The following SULF1 variants were observed in gnomAD, a reference collection of about 807,000 sequenced individuals.
SULF1 encodes the protein sulfatase 1, also known as extracellular sulfatase Sulf-1.
A neutral mutation model predicts 110.5 loss-of-function variants in SULF1; 46 were observed. The ratio of observed to expected loss-of-function variants is 0.42; its 90% CI spans 0.33 to 0.53. The LOEUF (loss-of-function observed/expected upper bound fraction) is 0.53. Among genes scored for constraint, SULF1 ranks in the 20% least tolerant of loss-of-function variants. The pLI is 0.12. For synonymous variants in SULF1, 371 were observed against 387.1 expected, an observed-to-expected ratio of 0.96 and a Z score of 0.49; for missense variants, 941 against 1,094.2, an observed-to-expected ratio of 0.86 and a Z score of 1.98.
intron 3 of SULF1, among the ~76,000 whole-genome samples, chr8:69,508,434 A>C (rs1185885473): frequency 1.3e-5 from 2 of 152,204 alleles, no homozygotes; most frequent in African/African-American, 4.8e-5. Flanking sequence ...AAAAGTAACT[A>C]AAATATTTCC....
intron 3 of SULF1, among the ~76,000 whole-genome samples, chr8:69,530,448 T>C (rs1382616314): frequency 6.6e-6 from 1 of 152,178 alleles, no homozygotes; most frequent in Non-Finnish European, 1.5e-5. Flanking sequence ...ACTTTAGAGA[T>C]AGTTAAATAT....
chr8:69,471,862 G>A (rs1471648685), intron 1 of SULF1, among the ~76,000 whole-genome samples: 1 of 152,182 alleles, frequency 6.6e-6, no homozygotes, highest in East Asian at 1.9e-4. Context: ...TCCAGACCTA[G>A]GATGCAGGAA....
chr8:69,540,547 C>G (rs1250966648), intron 3 of SULF1, among the ~76,000 whole-genome samples: 1 of 152,164 alleles, frequency 6.6e-6, no homozygotes, highest in African/African-American at 2.4e-5. Flanking sequence ...TCCCTCCTTC[C>G]CTGTAGCAAG....
chr8:69,628,382 T>C, intron 18 of SULF1, 146 bp downstream of exon 18: 1 of 680,726 alleles, frequency 1.5e-6, no homozygotes, highest in South Asian at 1.9e-5. Context: ...GCTCATGAAG[T>C]TGAAAGCAAA....
chr8:69,577,122 G>T (rs930732720), intron 6 of SULF1, among the ~76,000 whole-genome samples: 1 of 152,188 alleles, frequency 6.6e-6, no homozygotes, highest in Non-Finnish European at 1.5e-5. Flanking sequence ...ACTGTCACTC[G>T]CAGACAGCTC....
intron 13 of SULF1, among the ~76,000 whole-genome samples, chr8:69,615,342 T>A (rs752217821): frequency 2.6e-5 from 4 of 152,248 alleles, no homozygotes; most frequent in Admixed American, 6.5e-5. Flanking sequence ...CAAGGTTTTA[T>A]TGTGCAGTCA....
chr8:69,519,236 C>T (rs1390331995), intron 3 of SULF1, among the ~76,000 whole-genome samples: 1 of 152,158 alleles, frequency 6.6e-6, no homozygotes, highest in Non-Finnish European at 1.5e-5. Flanking sequence ...GCAGTGAGAC[C>T]CTTCAAGGCA....
At position 69,640,824 on chromosome 8, in the gene SULF1, A is replaced by G. The variant is rs1050270487; in HGVS notation, c.2568A>G (p.Gly856=). ...CTATATCAGGAAATAAAGATGGAGG[A>G]AGCTATGACCTACACAGGTATTCAC... The part of the protein sequence containing the change: ...KNLDVGNKDG[G]SYDLHRGQLW... Residue 856 remains glycine, a synonymous_variant, in exon 22 of 23, where the codon GGA becomes GGG. Transcript: ENST00000402687. The G allele has an allele frequency of 6.2e-7, 1 of 1,611,404 alleles. No individual in the cohort carries two copies. The highest frequency in any genetic ancestry group is 1.3e-5 in the African/African-American group (1 of 74,778).
chr8:69,631,257 G>C (rs1218194308), intron 19 of SULF1, among the ~76,000 whole-genome samples: 2 of 152,162 alleles, frequency 1.3e-5, no homozygotes, highest in Admixed American at 1.3e-4. Flanking sequence ...GCTTATGGCA[G>C]AAGGAGGCCC....
chr8:69,588,418 C>T (rs894915139), intron 7 of SULF1, among the ~76,000 whole-genome samples: 1 of 152,166 alleles, frequency 6.6e-6, no homozygotes, highest in Non-Finnish European at 1.5e-5. Flanking sequence ...GCTTTGATTA[C>T]TGATTATTGT....
intron 3 of SULF1, among the ~76,000 whole-genome samples, chr8:69,520,932 T>C (rs534850565): frequency 6.6e-6 from 1 of 152,310 alleles, no homozygotes; most frequent in South Asian, 2.1e-4. Context: ...AAAAAGCTCT[T>C]CTTATAATGT....
chr8:69,564,080 G>A lies in SULF1; in HGVS notation c.105G>A (p.Gln35=). ...CCCCGAGGTTCAGAGGACGGATACA[G>A]CAGGAACGAAAAAACATCCGACCCA... ...VRSPRFRGRI[Q]QERKNIRPNI... Residue 35 remains glutamine (Q), a synonymous_variant, in exon 5 of 23, where the codon CAG becomes CAA. Coordinates refer to ENST00000402687, the MANE Select transcript of SULF1 (RefSeq NM_001128205.2). 1 of 1,614,142 alleles carries A rather than the reference G, an allele frequency of 6.2e-7. No individual in the cohort carries two copies. Among genetic ancestry groups the A allele is most frequent in the Admixed American group, 1.7e-5 (1 of 60,018 alleles).
chr8:69,549,823 AGAG>A (rs763894440), intron 3 of SULF1, among the ~76,000 whole-genome samples: 18 of 152,318 alleles, frequency 1.2e-4, no homozygotes, highest in Non-Finnish European at 2.2e-4. Flanking sequence ...AAATACAAAT[AGAG>A]GAGACCCTCG....
At chr8:69,575,375 A>AT (rs1309231381) in intron 5 of SULF1, among the ~76,000 whole-genome samples, 1 of 152,148 alleles carries the variant, frequency 6.6e-6, no homozygotes, top group Non-Finnish European at 1.5e-5. Context: ...ATATAAATTG[A>AT]TGTTGTTATC....
At chr8:69,591,635 C>T (rs1408875946) in intron 8 of SULF1, among the ~76,000 whole-genome samples, 5 of 151,862 alleles carry the variant, frequency 3.3e-5, no homozygotes, top group Admixed American at 6.6e-5. Flanking sequence ...TTTCATTCCA[C>T]GAATATTTAT....
intron 21 of SULF1, among the ~76,000 whole-genome samples, chr8:69,640,123 G>GGAAA (rs1290705121): frequency 5.6e-5 from 4 of 71,200 alleles, no homozygotes; most frequent in African/African-American, 3.1e-4. Flanking sequence ...AAGGAAGAAA[G>GGAAA]GAAGGAAGAA....
At chr8:69,651,345 G>A (rs958234227) in intron 22 of SULF1, among the ~76,000 whole-genome samples, 15 of 152,020 alleles carry the variant, frequency 9.9e-5, no homozygotes, top group African/African-American at 1.7e-4. Context: ...GAGCCACCGC[G>A]CCCAGCCTCG....
At position 69,621,169 on chromosome 8, in the gene SULF1, C is replaced by A; in HGVS notation, c.1512C>A (p.Cys504Ter). Residue 504 changes from cysteine (C) to a stop codon, truncating the protein, a stop_gained, in exon 14 of 23, where the codon TGC (cysteine) becomes TGA (stop). Coordinates refer to ENST00000402687, the MANE Select transcript of SULF1 (RefSeq NM_001128205.2). LOFTEE classifies it high-confidence loss of function. ...GCTTCCATGACAAAGACAAAGAGTG[C>A]AGTTGTAGGGAGTCTGGTTACCGTG... ...ARGFHDKDKECSCRESGYRAS... is the reference protein window; with the variant it reads ...ARGFHDKDKE 6.2e-7 allele frequency: 1 copy of A among 1,614,128 alleles called. No homozygotes were observed. The highest frequency in any genetic ancestry group is 8.5e-7 in the Non-Finnish European group (1 of 1,180,008).
intron 3 of SULF1, among the ~76,000 whole-genome samples, chr8:69,559,650 AG>A (rs1194925920): frequency 6.6e-6 from 1 of 152,200 alleles, no homozygotes; most frequent in Non-Finnish European, 1.5e-5. Flanking sequence ...TTTAAGTAAA[AG>A]TAGTGTTTCA....
Sources: gnomAD v4.1 joint callset for allele counts (sites outside exome capture counted in the v4.1 genomes callset) on GRCh38, gnomAD v4.1.1 for gene constraint, MANE v1.5 for transcripts, NCBI Gene and HGNC (gene_info 2026-07-23, HGNC 2026-07-21) for gene names.